Variants in SEMA4B observed in about 807,000 individuals in gnomAD.
SEMA4B encodes semaphorin 4B, also known as semaphorin-4B.
SEMA4B carries 55 observed loss-of-function variants against 88.1 expected under a neutral mutation model. The observed-to-expected ratio is 0.62, with a 90% CI of 0.50 to 0.78. The LOEUF is 0.78. Ranked by LOEUF, SEMA4B falls within the 30% of genes least tolerant of loss-of-function variation. SEMA4B has a pLI of 0.00. For missense variants in SEMA4B, 1,062 were observed against 1,111.9 expected (o/e 0.96, Z 0.64); for synonymous variants, 525 against 473.6 (o/e 1.11, Z -1.41).
chr15:90,198,023 T>A (rs1960571577), upstream of SEMA4B, among the ~76,000 whole-genome samples: 1 of 150,680 alleles, frequency 6.6e-6, no homozygotes, highest in Admixed American at 6.6e-5. Flanking sequence ...ACCTCCCGGG[T>A]TCGCGCCATT....
upstream of SEMA4B, among the ~76,000 whole-genome samples, chr15:90,199,993 C>T (rs191442968): frequency 6.6e-6 from 1 of 152,140 alleles, no homozygotes; most frequent in Non-Finnish European, 1.5e-5. Context: ...TGTCCATATC[C>T]CATGTGGAAT....
At chr15:90,185,166 C>T in intron 1 of SEMA4B, 1 of 748,382 alleles carries the variant, frequency 1.3e-6, no homozygotes, top group Non-Finnish European at 1.6e-6. Flanking sequence ...AGCCGCTGCC[C>T]CCACCCTTGC....
chr15:90,214,796 T>C lies in SEMA4B; in HGVS notation c.158-2643T>C, dbSNP rs1961451460. On this transcript the variant is annotated intron_variant, in intron 1 of 13. Coordinates refer to ENST00000411539, the MANE Select transcript of SEMA4B (RefSeq NM_198925.4). ...CCTTCTCTACCAGCTGTGCGAAGAC[T>C]CATTGACCTACTCGTGAATTTTTAC... 1.3e-5 allele frequency: 4 copies of C among 301,254 alleles called. No homozygotes were observed. In the Admixed American group the frequency reaches 1.7e-4, roughly 13 times the overall value. 18.7% of individuals were successfully genotyped at this position (301,254 alleles called of 1,614,324 possible).
rs5814418 is a variant in SEMA4B at position 90,222,954 on chromosome 15, GTA to G, written c.862-592_862-591del. ...TTTTTTGGCATATGTGTAACTCTGTGTATATATATATATACATTTTTTTTTTT... is the reference window on the plus strand; with the variant it reads ...TTTTTTGGCATATGTGTAACTCTGTGTATATATATATACATTTTTTTTTTT... On this transcript the variant is annotated intron_variant, in intron 7 of 13. Coordinates refer to ENST00000411539, the MANE Select transcript of SEMA4B (RefSeq NM_198925.4). Among the ~76,000 whole-genome samples, 13 of 130,596 alleles carry G rather than the reference GTA, an allele frequency of 1.0e-4. 1 individual carries two copies. The South Asian group carries it at 1.9e-3, about 19-fold the overall frequency. The allele number at this position is 130,596 out of a possible 152,430, so 85.7% of individuals were successfully genotyped here. A position where few individuals can be genotyped will look rare whatever the true frequency, so the allele number is the denominator to read the frequency against.
Position 90,201,373 on chromosome 15 carries a change from G to A in SEMA4B, c.-206G>A, listed in dbSNP as rs1284097524. 27 of 1,249,936 alleles carry A rather than the reference G, an allele frequency of 2.2e-5. No individual in the cohort carries two copies. The highest frequency in any genetic ancestry group is 2.5e-5 in the Non-Finnish European group (25 of 997,576). 77.4% of individuals were successfully genotyped at this position (1,249,936 alleles called of 1,614,324 possible). ...CCCAAGCCGAGGCTGCGGGGCCGGC[G>A]CCGGCGGGAGGACTGCGGTGCCCCG... On this transcript the variant is annotated 5_prime_UTR_variant, in exon 1 of 14. Transcript: ENST00000411539.
chr15:90,223,953 G>A lies in SEMA4B; in HGVS notation c.1159G>A (p.Val387Met), dbSNP rs372660542. The change falls in exon 9 of 14, where the codon GTG becomes ATG. Residue 387 changes from valine to methionine, a missense_variant. By Grantham distance (21) the Val-to-Met change is conservative (BLOSUM62 1). Coordinates refer to ENST00000411539, the MANE Select transcript of SEMA4B (RefSeq NM_198925.4). ...VNRETQQWYTVTHPVPTPRPG... is the reference protein window; with the variant it reads ...VNRETQQWYTMTHPVPTPRPG... ...CCGTGAGACACAGCAGTGGTACACC[G>A]TGACCCACCCGGTGCCCACACCCCG... 4.3e-6 allele frequency: 7 copies of A among 1,613,424 alleles called. No homozygotes were observed. The highest frequency in any genetic ancestry group is 2.2e-5 in the South Asian group (2 of 91,070).
At position 90,217,580 on chromosome 15, in the gene SEMA4B, T is replaced by A. The variant is rs1961594580; in HGVS notation, c.299T>A (p.Leu100Gln). The change falls in exon 2 of 14, where the codon CTG (leucine) becomes CAG (glutamine). Residue 100 changes from leucine (L) to glutamine (Q), a missense_variant. Transcript: ENST00000411539. Reference protein sequence around the residue: ...LFALSSNLSFLPGGEYQELLW... With the variant: ...LFALSSNLSFQPGGEYQELLW... ...GCACTCAGTAGCAACCTCAGCTTCCTGCCAGGCGGGGAGTACCAGGAGGTG... is the reference window on the plus strand; with the variant it reads ...GCACTCAGTAGCAACCTCAGCTTCCAGCCAGGCGGGGAGTACCAGGAGGTG... 1 of 1,613,792 alleles carries A rather than the reference T, an allele frequency of 6.2e-7. No homozygotes were observed. Among genetic ancestry groups the A allele is most frequent in the Admixed American group, 1.7e-5 (1 of 59,990 alleles).
At chr15:90,219,968 C>A in intron 4 of SEMA4B, 77 bp downstream of exon 4, 1 of 1,126,044 alleles carries the variant, frequency 8.9e-7, no homozygotes, top group Non-Finnish European at 1.3e-6. Context: ...TGTTCTGTAG[C>A]ATAGACCCCT....
intron 1 of SEMA4B, among the ~76,000 whole-genome samples, chr15:90,188,942 T>C (rs948537652): frequency 1.3e-5 from 2 of 152,148 alleles, no homozygotes; most frequent in African/African-American, 4.8e-5. Flanking sequence ...GTGCTGGGAT[T>C]ATAGGCATGA....
chr15:90,212,630 C>CT lies in SEMA4B; in HGVS notation c.158-4808dup, dbSNP rs1961325907. 7.1e-6 allele frequency among the ~76,000 whole-genome samples: 1 copy of CT among 140,476 alleles called. No homozygotes were observed. The highest frequency in any genetic ancestry group is 1.5e-5 in the Non-Finnish European group (1 of 64,934). The allele number at this position is 140,476 out of a possible 152,430, so 92.2% of individuals were successfully genotyped here. On this transcript the variant is annotated intron_variant, in intron 1 of 13. Coordinates refer to ENST00000411539, the MANE Select transcript of SEMA4B (RefSeq NM_198925.4). This position sits in a 1 kb window ranked among gnomAD's most constrained non-coding sequence, Gnocchi z 4.0. ...GTGAGTGCGCAAGCGTGGACAAGCC[C>CT]TGCGGTACCGTGTACACACACACAC... is the stretch of plus-strand genomic sequence containing the variant.
chr15:90,221,314 G>A (rs906397972), intron 5 of SEMA4B, 53 bp from the exon 6 acceptor site: 6 of 1,437,796 alleles, frequency 4.2e-6, no homozygotes, highest in African/African-American at 2.8e-5. Flanking sequence ...CCCTGAGCAG[G>A]GAGAAGGGGC....
chr15:90,201,969 C>T lies in SEMA4B; in HGVS notation c.157+234C>T, dbSNP rs114543294. Among the ~76,000 whole-genome samples the T allele has an allele frequency of 3.9e-3, 598 of 152,366 alleles. 3 individuals carry two copies. Among genetic ancestry groups the T allele is most frequent in the African/African-American group, 0.013 (557 of 41,596 alleles). On this transcript the variant is annotated intron_variant, in intron 1 of 13. Coordinates refer to ENST00000411539, the MANE Select transcript of SEMA4B (RefSeq NM_198925.4). ...CTTTCTGCGTAGGGATGGGGTCTAGCCCGCTCTGTCGTCCCCCCTAGTTCC... is the reference window on the plus strand; with the variant it reads ...CTTTCTGCGTAGGGATGGGGTCTAGTCCGCTCTGTCGTCCCCCCTAGTTCC...
intron 9 of SEMA4B, among the ~76,000 whole-genome samples, chr15:90,224,257 T>C (rs8030039): frequency 0.67 from 102,072 of 152,192 alleles, 34,375 homozygotes; most frequent in African/African-American, 0.75. Flanking sequence ...CATCTCTTCA[T>C]TTGGTCCTCT....
Position 90,228,489 on chromosome 15 carries a change from A to C in SEMA4B, c.2360A>C (p.Tyr787Ser). The change falls in exon 14 of 14, where the codon TAC becomes TCC. Residue 787 changes from tyrosine to serine, a missense_variant. Physicochemically the swap from Tyr to Ser is moderately radical, Grantham distance 144 (BLOSUM62 -2). Transcript: ENST00000411539. The stretch of plus-strand genomic sequence containing the variant: ...AGCACCCCGCTCGATCACCGAGGGT[A>C]CCAGTCCCTGTCAGACAGCCCCCCG... ...PPSTPLDHRG[Y>S]QSLSDSPPGS... 6.2e-7 allele frequency: 1 copy of C among 1,610,840 alleles called. No individual in the cohort carries two copies. Among genetic ancestry groups the C allele is most frequent in the Admixed American group, 1.7e-5 (1 of 59,684 alleles).
chr15:90,197,627 T>C (rs570558712), upstream of SEMA4B, among the ~76,000 whole-genome samples: 3 of 151,766 alleles, frequency 2.0e-5, no homozygotes, highest in South Asian at 2.1e-4. Flanking sequence ...TTAGTAGAGA[T>C]GGGGTTTTAC....
At chr15:90,224,841 G>T in intron 9 of SEMA4B, 127 bp from the exon 10 acceptor site, 1 of 767,730 alleles carries the variant, frequency 1.3e-6, no homozygotes, top group Non-Finnish European at 2.3e-6. Flanking sequence ...GTAGAGCACT[G>T]CCAGGGATGT....
chr15:90,186,044 C>A (rs1273079177), intron 1 of SEMA4B, among the ~76,000 whole-genome samples: 1 of 143,864 alleles, frequency 7.0e-6, no homozygotes, highest in Non-Finnish European at 1.5e-5. Context: ...AGTGACTCTT[C>A]TGCCTCAGCC....
rs1961811016 is a variant in SEMA4B at position 90,221,064 on chromosome 15, C to T, written c.566C>T (p.Pro189Leu). The change falls in exon 5 of 14, where the codon CCG (proline) becomes CTG (leucine). Residue 189 changes from proline (P) to leucine (L), a missense_variant. By Grantham distance (98) the Pro-to-Leu change is moderately conservative. Coordinates refer to ENST00000411539, the MANE Select transcript of SEMA4B (RefSeq NM_198925.4). ...GGCAAGGGCCGTTGTCCCTTCGACC[C>T]GAATTTCAAGTCCACTGCCCTGGTG... ...EDGKGRCPFD[P>L]NFKSTALVVD... The T allele has an allele frequency of 2.5e-6, 4 of 1,608,966 alleles. No individual in the cohort carries two copies. The highest frequency in any genetic ancestry group is 2.5e-6 in the Non-Finnish European group (3 of 1,177,724).
chr15:90,221,650 G>T lies in SEMA4B; in HGVS notation c.746G>T (p.Ser249Ile). 1.2e-6 allele frequency: 2 copies of T among 1,614,042 alleles called. No individual in the cohort carries two copies. Among genetic ancestry groups the T allele is most frequent in the Non-Finnish European group, 1.7e-6 (2 of 1,179,912 alleles). ...AFVASAYIPE[S>I]LGSLQGDDDK... is the part of the protein sequence containing the mutation. ...GTGGCCTCAGCCTACATTCCTGAGA[G>T]CCTGGGCAGCTTGCAAGGCGATGAT... The change falls in exon 7 of 14, where the codon AGC becomes ATC. Residue 249 changes from serine to isoleucine, a missense_variant. Physicochemically the swap from Ser to Ile is moderately radical, Grantham distance 142. Coordinates refer to ENST00000411539, the MANE Select transcript of SEMA4B (RefSeq NM_198925.4).
Sources: allele counts gnomAD v4.1 joint callset (sites outside exome capture counted in the v4.1 genomes callset), GRCh38; gene constraint gnomAD v4.1.1; non-coding constraint Gnocchi (gnomAD v3.1); transcripts MANE v1.5; gene names NCBI Gene and HGNC (gene_info 2026-07-23, HGNC 2026-07-21).